The following ZNF577 variants were observed in gnomAD, a reference collection of about 807,000 sequenced individuals.
ZNF577 encodes zinc finger protein 577.
A neutral mutation model predicts 13.9 loss-of-function variants in ZNF577; 14 were observed. That is an observed-to-expected ratio of 1.00 (90% CI 0.66 to 1.57). The LOEUF (loss-of-function observed/expected upper bound fraction) is 1.57. Among genes scored for constraint, ZNF577 ranks in the 40% most tolerant of loss-of-function variants. The pLI, the probability that ZNF577 is intolerant of heterozygous loss-of-function variation, is 0.00. For synonymous variants in ZNF577, 203 were observed against 202.9 expected (o/e 1.00, Z 0.00); for missense variants, 555 against 579.2 (o/e 0.96, Z 0.43).
At chr19:51,844,994 A>G (rs774875594) in intron 5 of ZNF577, 1 of 152,238 alleles carries the variant, frequency 6.6e-6, no homozygotes, top group South Asian at 2.1e-4. Flanking sequence ...CCGCGTAAAT[A>G]AAAAGACTTT....
intron 1 of ZNF577, among the ~76,000 whole-genome samples, chr19:51,882,249 G>T (rs898019249): frequency 6.6e-6 from 1 of 152,094 alleles, no homozygotes; most frequent in Non-Finnish European, 1.5e-5. Context: ...GAAGCTCATG[G>T]CAGGCTTTCC....
In ZNF577 at chr19:51,872,950, G is replaced by A. The variant is rs752271724; in HGVS notation, c.1040C>T (p.Thr347Ile). Residue 347 changes from threonine (T) to isoleucine (I), a missense_variant, in exon 6 of 6, where the codon ACT (threonine) becomes ATT (isoleucine). Thr to Ile is a moderately conservative substitution (Grantham distance 89). Transcript: ENST00000638348. ...SKSKLIQHQR[T>I]HTGERPYSCR... ...TGAATATGGTCTCTCTCCAGTGTGA[G>A]TACGCTGATGCTGAATGAGCTTCGA... is the stretch of plus-strand genomic sequence containing the variant. 5 of 1,614,072 alleles carry A rather than the reference G, an allele frequency of 3.1e-6. No homozygotes were observed. The African/African-American group carries it at 5.3e-5, about 17-fold the overall frequency.
intron 9 of ZNF577, among the ~76,000 whole-genome samples, chr19:51,812,962 A>C (rs1338475496): frequency 6.6e-6 from 1 of 152,050 alleles, no homozygotes; most frequent in East Asian, 1.9e-4. Context: ...CTCTACCCAA[A>C]AATACAAAAA....
At chr19:51,851,259 A>G (rs1354579276) in intron 5 of ZNF577, among the ~76,000 whole-genome samples, 2 of 152,180 alleles carry the variant, frequency 1.3e-5, no homozygotes, top group Non-Finnish European at 2.9e-5. Flanking sequence ...TGACAAGTAG[A>G]TATCATTTTT....
intron 9 of ZNF577, chr19:51,825,976 C>T (rs1184930938): frequency 1.8e-5 from 3 of 166,884 alleles, no homozygotes; most frequent in African/African-American, 7.2e-5. Context: ...TTTTTAAAGT[C>T]AGACTGTTGA....
chr19:51,836,768 G>T (rs1384760800), intron 9 of ZNF577, among the ~76,000 whole-genome samples: 1 of 152,206 alleles, frequency 6.6e-6, no homozygotes, highest in African/African-American at 2.4e-5. Flanking sequence ...AAAGGGCTGG[G>T]TGCAGTAGCT....
chr19:51,819,724 T>C (rs1599839730), intron 9 of ZNF577, among the ~76,000 whole-genome samples: 1 of 152,328 alleles, frequency 6.6e-6, no homozygotes, highest in East Asian at 1.9e-4. Context: ...GACAACCATT[T>C]CTAAAGTTTG....
At chr19:51,844,219 A>T (rs1329782194) in intron 6 of ZNF577, among the ~76,000 whole-genome samples, 1 of 152,160 alleles carries the variant, frequency 6.6e-6, no homozygotes, top group African/African-American at 2.4e-5. Context: ...TCTGCACAAT[A>T]ACCCTTGTTT....
intron 9 of ZNF577, among the ~76,000 whole-genome samples, chr19:51,818,588 G>C (rs1393768001): frequency 6.6e-6 from 1 of 152,204 alleles, no homozygotes; most frequent in Non-Finnish European, 1.5e-5. Context: ...ATACCTCTGA[G>C]GACAAGATAT....
chr19:51,879,598 T>C (rs67462252), intron 3 of ZNF577, among the ~76,000 whole-genome samples: 34,095 of 151,986 alleles, frequency 0.22, 4,683 homozygotes, highest in South Asian at 0.41. Flanking sequence ...ATAATATTTA[T>C]AATTACATAT....
intron 9 of ZNF577, among the ~76,000 whole-genome samples, chr19:51,819,714 G>A (rs1174841392): frequency 6.6e-6 from 1 of 152,156 alleles, no homozygotes; most frequent in Non-Finnish European, 1.5e-5. Flanking sequence ...AGCAATTAGA[G>A]ACAACCATTT....
At chr19:51,846,256 T>G (rs1416385740) in intron 5 of ZNF577, among the ~76,000 whole-genome samples, 1 of 152,218 alleles carries the variant, frequency 6.6e-6, no homozygotes, top group Admixed American at 6.5e-5. Flanking sequence ...CAGTGAGTTC[T>G]TGTCTCTATA....
intron 3 of ZNF577, among the ~76,000 whole-genome samples, chr19:51,879,737 G>C (rs1191930472): frequency 6.6e-6 from 1 of 152,156 alleles, no homozygotes; most frequent in Non-Finnish European, 1.5e-5. Flanking sequence ...CCTTTGGGTT[G>C]AAGTTTGGGC....
chr19:51,877,597 C>A, intron 4 of ZNF577: 1 of 397,986 alleles, frequency 2.5e-6, no homozygotes, highest in Non-Finnish European at 4.5e-6. Context: ...AACAAACAGA[C>A]AAACAAAAAC....
At chr19:51,804,724 G>A (rs1022855485), downstream of ZNF577, 4 of 152,068 alleles carry the variant, frequency 2.6e-5, no homozygotes, top group South Asian at 2.1e-4. Context: ...GTGGCTGTTC[G>A]GGGCGCCACT....
At chr19:51,881,877 G>A (rs1006422076) in intron 1 of ZNF577, among the ~76,000 whole-genome samples, 6 of 152,172 alleles carry the variant, frequency 3.9e-5, no homozygotes, top group Non-Finnish European at 5.9e-5. Flanking sequence ...CTCACACTCT[G>A]AGAACACCCA....
downstream of ZNF577, among the ~76,000 whole-genome samples, chr19:51,864,402 C>G (rs1447482419): frequency 2.6e-5 from 4 of 152,082 alleles, no homozygotes; most frequent in Non-Finnish European, 5.9e-5. Context: ...CCGCCCCTGA[C>G]TCCCGCATTT....
At chr19:51,865,269 G>A (rs1462194348), downstream of ZNF577, among the ~76,000 whole-genome samples, 1 of 152,144 alleles carries the variant, frequency 6.6e-6, no homozygotes, top group Admixed American at 6.5e-5. Context: ...GCTAATTTTT[G>A]TATTTTTAGT....
rs760744736 is a variant in ZNF577 at position 51,877,273 on chromosome 19, C to A, written c.283+9G>T. 1 of 1,612,288 alleles carries A rather than the reference C, an allele frequency of 6.2e-7. No individual in the cohort carries two copies. The highest frequency in any genetic ancestry group is 8.5e-7 in the Non-Finnish European group (1 of 1,178,774). Reference sequence around the variant, plus strand: ...TTTCTCCCCATTTTCTTAGTTTTCACTCACTTACCTGGACAGATTTGACTG... The same window carrying A: ...TTTCTCCCCATTTTCTTAGTTTTCAATCACTTACCTGGACAGATTTGACTG... On this transcript the variant is annotated intron_variant, in intron 5 of 5. Coordinates refer to ENST00000638348, the MANE Select transcript of ZNF577 (RefSeq NM_001370449.1).
Sources: gnomAD v4.1 joint callset for allele counts (sites outside exome capture counted in the v4.1 genomes callset) on GRCh38, gnomAD v4.1.1 for gene constraint, MANE v1.5 for transcripts, NCBI Gene and HGNC (gene_info 2026-07-23, HGNC 2026-07-21) for gene names.